MINDY2: variants seen among roughly 807,000 people sequenced by gnomAD.
MINDY2 encodes the protein ubiquitin carboxyl-terminal hydrolase MINDY-2.
MINDY2 carries 52 observed loss-of-function variants against 68.2 expected under a neutral mutation model. The ratio of observed to expected loss-of-function variants is 0.76; its 90% confidence interval spans 0.61 to 0.96. The LOEUF is 0.96. Ranked by LOEUF, MINDY2 falls within the 40% of genes least tolerant of loss-of-function variation. The pLI is 0.00. For synonymous variants in MINDY2, 372 were observed against 303.0 expected (o/e 1.23, Z -2.36); for missense variants, 881 against 773.4 (o/e 1.14, Z -1.65).
chr15:58,819,941 T>C (rs1286922354), intron 4 of MINDY2, among the ~76,000 whole-genome samples: 1 of 152,132 alleles, frequency 6.6e-6, no homozygotes, highest in African/African-American at 2.4e-5. Flanking sequence ...GACCATTGAA[T>C]ACATTTTTGT....
At chr15:58,830,285 A>T (rs953757107) in intron 5 of MINDY2, among the ~76,000 whole-genome samples, 6 of 152,184 alleles carry the variant, frequency 3.9e-5, no homozygotes, top group Non-Finnish European at 7.4e-5. Context: ...AACTTGTTTT[A>T]TGTGTGTTTC....
intron 8 of MINDY2, among the ~76,000 whole-genome samples, 173 bp downstream of exon 8, chr15:58,852,138 T>G (rs1257425969): frequency 1.3e-5 from 2 of 151,172 alleles, no homozygotes; most frequent in African/African-American, 4.9e-5. Context: ...AATACAAAAT[T>G]AGCCGGGCGT....
At chr15:58,819,628 G>T (rs940387937) in intron 4 of MINDY2, among the ~76,000 whole-genome samples, 1 of 152,152 alleles carries the variant, frequency 6.6e-6, no homozygotes, top group Non-Finnish European at 1.5e-5. Context: ...CATTACTGGT[G>T]TGAGCCACCA....
chr15:58,850,104 G>A (rs1436276213), intron 7 of MINDY2, among the ~76,000 whole-genome samples: 1 of 152,166 alleles, frequency 6.6e-6, no homozygotes, highest in Admixed American at 6.6e-5. Context: ...GTAGATGGGG[G>A]AGGAGGTACA....
At chr15:58,852,026 C>CCT in intron 8 of MINDY2, 61 bp downstream of exon 8, 1 of 1,312,350 alleles carries the variant, frequency 7.6e-7, no homozygotes, top group Non-Finnish European at 1.0e-6. Context: ...GTGGCTCACA[C>CCT]CTGTATTCCC....
chr15:58,854,086 T>C (rs1226413526), intron 8 of MINDY2, among the ~76,000 whole-genome samples: 3 of 151,746 alleles, frequency 2.0e-5, no homozygotes, highest in African/African-American at 4.8e-5. Flanking sequence ...CTACTAAAAA[T>C]ACAAAAAGTT....
At chr15:58,839,747 A>G (rs2032186326) in intron 6 of MINDY2, among the ~76,000 whole-genome samples, 1 of 152,110 alleles carries the variant, frequency 6.6e-6, no homozygotes, top group African/African-American at 2.4e-5. Context: ...TAAAACCTGC[A>G]CCTGGACAAA....
At chr15:58,853,948 A>G (rs1199172096) in intron 8 of MINDY2, among the ~76,000 whole-genome samples, 1 of 152,206 alleles carries the variant, frequency 6.6e-6, no homozygotes, top group South Asian at 2.1e-4. Context: ...TGTGTCTTCA[A>G]TTTGACTTTA....
chr15:58,810,801 C>G (rs188933458), intron 4 of MINDY2, among the ~76,000 whole-genome samples: 2 of 152,166 alleles, frequency 1.3e-5, no homozygotes, highest in Non-Finnish European at 2.9e-5. Context: ...GAGACACATA[C>G]GGCAGAATCT....
At chr15:58,851,130 C>T (rs2032788987) in intron 7 of MINDY2, among the ~76,000 whole-genome samples, 1 of 152,086 alleles carries the variant, frequency 6.6e-6, no homozygotes, top group African/African-American at 2.4e-5. Flanking sequence ...TGCACCACCA[C>T]ACCTGGCTAA....
At chr15:58,796,660 ATTAT>A (rs1902303876) in intron 2 of MINDY2, among the ~76,000 whole-genome samples, 1 of 152,098 alleles carries the variant, frequency 6.6e-6, no homozygotes, top group Non-Finnish European at 1.5e-5. Context: ...AGTAGCTGGG[ATTAT>A]AGGCACCGCC....
At chr15:58,850,618 C>G (rs1031615735) in intron 7 of MINDY2, among the ~76,000 whole-genome samples, 2 of 152,172 alleles carry the variant, frequency 1.3e-5, no homozygotes, top group Non-Finnish European at 2.9e-5. Flanking sequence ...AACAGGGTCT[C>G]AGTCACCTAG....
intron 8 of MINDY2, among the ~76,000 whole-genome samples, chr15:58,854,019 C>T (rs1475739900): frequency 1.3e-5 from 2 of 151,094 alleles, no homozygotes; most frequent in African/African-American, 2.4e-5. Flanking sequence ...CCAAGGTGGG[C>T]GGATCACAAA....
intron 5 of MINDY2, among the ~76,000 whole-genome samples, chr15:58,822,929 C>T (rs1446752355): frequency 6.6e-6 from 1 of 151,922 alleles, no homozygotes; most frequent in East Asian, 1.9e-4. Context: ...AAGTTTATTA[C>T]AATTATCACA....
In MINDY2 at chr15:58,856,683, A is replaced by G. The variant is rs1468514974; in HGVS notation, c.*2073A>G. 4 of 152,136 alleles carry G rather than the reference A, an allele frequency of 2.6e-5. No homozygotes were observed. The highest frequency in any genetic ancestry group is 2.6e-4 in the Admixed American group (4 of 15,274). The allele number at this position is 152,136 out of a possible 1,614,324, so 9.4% of individuals were successfully genotyped here. ...TGACCTCAATCCAAGTTTACTCTTG[A>G]TATCACTCTGTTGGCTGAAGGAGGT... is the stretch of plus-strand genomic sequence containing the variant. On this transcript the variant is annotated 3_prime_UTR_variant, in exon 9 of 9. Coordinates refer to ENST00000559228, the MANE Select transcript of MINDY2 (RefSeq NM_001040450.3).
chr15:58,841,708 C>A (rs1361359033), intron 6 of MINDY2, among the ~76,000 whole-genome samples: 1 of 152,164 alleles, frequency 6.6e-6, no homozygotes, highest in African/African-American at 2.4e-5. Flanking sequence ...CCCGGCTGAT[C>A]TGTGCTTTTC....
At position 58,781,122 on chromosome 15, in the gene MINDY2, T is replaced by G. The variant is rs537109188; in HGVS notation, c.841-6784T>G. On this transcript the variant is annotated intron_variant, in intron 1 of 8. Transcript: ENST00000559228. Reference sequence around the variant, plus strand: ...TGGAGTGCAATGGTGTGGTCTTGGCTCACTGCAACCTCCACCTCCTGGGTT... The same window carrying G: ...TGGAGTGCAATGGTGTGGTCTTGGCGCACTGCAACCTCCACCTCCTGGGTT... Among the ~76,000 whole-genome samples, 216 of 152,270 alleles carry G rather than the reference T, an allele frequency of 1.4e-3. 1 individual carries two copies. The highest frequency in any genetic ancestry group is 2.4e-3 in the Non-Finnish European group (161 of 68,020).
At chr15:58,833,529 A>G (rs2141024795) in intron 6 of MINDY2, among the ~76,000 whole-genome samples, 1 of 152,334 alleles carries the variant, frequency 6.6e-6, no homozygotes, top group South Asian at 2.1e-4. Context: ...TTTATTGATC[A>G]TTATTGGGTG....
At chr15:58,794,358 G>GTGTGT (rs1902137993) in intron 2 of MINDY2, among the ~76,000 whole-genome samples, 2 of 139,112 alleles carry the variant, frequency 1.4e-5, no homozygotes, top group African/African-American at 5.5e-5. Context: ...TTTTTTTTGG[G>GTGTGT]GTGTGTGTGT....
Sources: gnomAD v4.1 joint callset for allele counts (sites outside exome capture counted in the v4.1 genomes callset) on GRCh38, gnomAD v4.1.1 for gene constraint, MANE v1.5 for transcripts, NCBI Gene and HGNC (gene_info 2026-07-23, HGNC 2026-07-21) for gene names.